Variants in PDE1C observed in about 807,000 individuals in gnomAD.
The protein encoded by PDE1C is phosphodiesterase 1C.
In PDE1C, 62 loss-of-function variants were observed where a neutral mutation model predicts 93.1. That is an observed-to-expected ratio of 0.67 (90% CI 0.54 to 0.82). The LOEUF (loss-of-function observed/expected upper bound fraction) is 0.82. Ranked by LOEUF, PDE1C falls within the 40% of genes least tolerant of loss-of-function variation. PDE1C has a pLI of 0.00. For missense variants in PDE1C, 742 were observed against 884.6 expected, an observed-to-expected ratio of 0.84 and a Z score of 2.04; for synonymous variants, 325 against 310.1, an observed-to-expected ratio of 1.05 and a Z score of -0.50.
intron 2 of PDE1C, chr7:31,941,569 A>C (rs1255840938): frequency 1.3e-5 from 2 of 153,448 alleles, no homozygotes; most frequent in Non-Finnish European, 1.5e-5. Context: ...TGACAGATCC[A>C]GGAAGGGGGT....
intron 1 of PDE1C, among the ~76,000 whole-genome samples, chr7:32,056,601 A>G (rs76454289): frequency 0.094 from 14,229 of 152,148 alleles, 812 homozygotes; most frequent in Middle Eastern, 0.14. Context: ...TGCCTGCTTT[A>G]CGGGGTGATG....
chr7:31,678,571 T>C, the PDE1C span, among the ~76,000 whole-genome samples: 9 of 152,294 alleles, frequency 5.9e-5, no homozygotes, highest in African/African-American at 2.2e-4. Flanking sequence ...AGTGAGAATT[T>C]ATTAGGTGCC....
At chr7:31,822,594 A>C (rs1789107998) in intron 14 of PDE1C, among the ~76,000 whole-genome samples, 1 of 152,176 alleles carries the variant, frequency 6.6e-6, no homozygotes, top group African/African-American at 2.4e-5. Context: ...ATATGGTTTG[A>C]GCAATGAGTG....
intron 3 of PDE1C, among the ~76,000 whole-genome samples, chr7:32,092,852 T>G (rs6949377): frequency 6.6e-6 from 1 of 152,030 alleles, no homozygotes; most frequent in Non-Finnish European, 1.5e-5. Flanking sequence ...TCTACACAAC[T>G]TGTAGTTGTG....
At chr7:32,325,831 A>G (rs1783393194) in intron 1 of PDE1C, among the ~76,000 whole-genome samples, 1 of 152,332 alleles carries the variant, frequency 6.6e-6, no homozygotes, top group Non-Finnish European at 1.5e-5. Context: ...GAGTGAGATG[A>G]GGAAACATTG....
chr7:32,023,903 G>T (rs954514959), intron 2 of PDE1C, among the ~76,000 whole-genome samples: 1 of 151,996 alleles, frequency 6.6e-6, no homozygotes, highest in Admixed American at 6.6e-5. Context: ...GCACAACTGG[G>T]GAAATCTGAA....
chr7:31,620,287 G>C, the PDE1C span, among the ~76,000 whole-genome samples: 1 of 152,088 alleles, frequency 6.6e-6, no homozygotes, highest in Non-Finnish European at 1.5e-5. Flanking sequence ...GGAGATCTGA[G>C]AACGGGCAGA....
chr7:31,727,542 T>C, the PDE1C span, among the ~76,000 whole-genome samples: 6 of 152,112 alleles, frequency 3.9e-5, no homozygotes, highest in South Asian at 4.1e-4. Context: ...CCAAGACAAA[T>C]AGTTGGACAT....
At chr7:32,368,135 A>G (rs1784259487) in intron 1 of PDE1C, among the ~76,000 whole-genome samples, 1 of 152,190 alleles carries the variant, frequency 6.6e-6, no homozygotes, top group Non-Finnish European at 1.5e-5. Context: ...AAGTCCTGCC[A>G]GAGCAATTAG....
At chr7:32,339,010 GCA>G (rs57740255) in intron 1 of PDE1C, among the ~76,000 whole-genome samples, 73,737 of 138,234 alleles carry the variant, frequency 0.53, 20,278 homozygotes, top group Admixed American at 0.64. Context: ...CTCAAAAAAA[GCA>G]CACACACACA....
At chr7:31,881,285 G>C (rs978137648) in intron 2 of PDE1C, among the ~76,000 whole-genome samples, 1 of 152,062 alleles carries the variant, frequency 6.6e-6, no homozygotes, top group African/African-American at 2.4e-5. Flanking sequence ...CATGACCCAG[G>C]CATGTCCCAA....
At chr7:31,966,979 T>G (rs1563115173) in intron 2 of PDE1C, among the ~76,000 whole-genome samples, 1 of 152,110 alleles carries the variant, frequency 6.6e-6, no homozygotes, top group Non-Finnish European at 1.5e-5. Context: ...GGGAAATTTA[T>G]AGCACTAAAT....
intron 17 of PDE1C, among the ~76,000 whole-genome samples, chr7:31,772,672 G>A (rs1448917331): frequency 6.6e-6 from 1 of 152,184 alleles, no homozygotes; most frequent in Non-Finnish European, 1.5e-5. Context: ...GGAATTCACA[G>A]CAAATGTTTT....
the PDE1C span, among the ~76,000 whole-genome samples, chr7:31,682,545 G>A: frequency 6.6e-6 from 1 of 152,162 alleles, no homozygotes. Flanking sequence ...TGGCCAGGCC[G>A]CTCTGAAAAA....
chr7:32,149,728 C>A (rs1015020198), intron 3 of PDE1C, among the ~76,000 whole-genome samples: 1 of 152,112 alleles, frequency 6.6e-6, no homozygotes, highest in Non-Finnish European at 1.5e-5. Context: ...TAAAGAAAGT[C>A]CATCAAATTT....
At chr7:31,674,169 C>T in the PDE1C span, among the ~76,000 whole-genome samples, 2 of 152,172 alleles carry the variant, frequency 1.3e-5, no homozygotes, top group African/African-American at 4.8e-5. Context: ...AGCCCCTGCC[C>T]ACTCTACAGA....
At chr7:32,241,074 G>C (rs1808511240) in intron 1 of PDE1C, among the ~76,000 whole-genome samples, 1 of 152,158 alleles carries the variant, frequency 6.6e-6, no homozygotes, top group Non-Finnish European at 1.5e-5. Context: ...CAAGTTGGGG[G>C]AGAGGGCCGG....
chr7:32,229,252 C>T (rs1486993520), intron 1 of PDE1C, among the ~76,000 whole-genome samples: 1 of 152,190 alleles, frequency 6.6e-6, no homozygotes, highest in Non-Finnish European at 1.5e-5. Context: ...GGTGAGTAAA[C>T]AGGGGTCCAA....
intron 2 of PDE1C, among the ~76,000 whole-genome samples, chr7:31,908,895 G>A (rs1056824013): frequency 6.6e-6 from 1 of 152,150 alleles, no homozygotes; most frequent in Non-Finnish European, 1.5e-5. Context: ...AAAGGAGATT[G>A]TGCTACATAA....
Sources: gnomAD v4.1 joint callset for allele counts (sites outside exome capture counted in the v4.1 genomes callset) on GRCh38, gnomAD v4.1.1 for gene constraint, MANE v1.5 for transcripts, NCBI Gene and HGNC (gene_info 2026-07-23, HGNC 2026-07-21) for gene names.